Variants in SNX14 observed in about 807,000 individuals in gnomAD.
The protein encoded by SNX14 is sorting nexin-14.
Under a neutral mutation model 133.8 loss-of-function variants are expected in SNX14, and 93 were observed. The ratio of observed to expected loss-of-function variants is 0.70; its 90% CI spans 0.59 to 0.83. The LOEUF (loss-of-function observed/expected upper bound fraction) is 0.83, where lower values mean the gene tolerates loss of function less well. SNX14 is among the 40% of genes least tolerant of loss of function. The pLI is 0.00. For missense variants in SNX14, 945 were observed against 1,094.9 expected, an observed-to-expected ratio of 0.86 and a Z score of 1.93; for synonymous variants, 368 against 365.6, an observed-to-expected ratio of 1.01 and a Z score of -0.07.
At chr6:85,541,949 G>C in intron 15 of SNX14, 36 bp downstream of exon 15, 1 of 1,513,142 alleles carries the variant, frequency 6.6e-7, no homozygotes, top group Non-Finnish European at 9.0e-7. Context: ...AGAATGACTG[G>C]CATCAGCAAG....
chr6:85,583,087 G>A (rs1162916836), intron 1 of SNX14, among the ~76,000 whole-genome samples: 1 of 152,184 alleles, frequency 6.6e-6, no homozygotes, highest in Non-Finnish European at 1.5e-5. Context: ...TCCCTGGAAT[G>A]CAAGGCTGGT....
Position 85,593,695 on chromosome 6 carries a change from C to T in SNX14, c.24G>A (p.Met8Ile). 1 of 1,613,700 alleles carries T rather than the reference C, an allele frequency of 6.2e-7. No homozygotes were observed. The highest frequency in any genetic ancestry group is 8.5e-7 in the Non-Finnish European group (1 of 1,179,944). ...GCAGCCGCTGCTTCAGCTTCTGCCC[C>T]ATCGTCCGCACCCAGGGCACCATCT... is the stretch of plus-strand genomic sequence containing the variant. Reference protein sequence around the residue: MVPWVRTMGQKLKQRLRL... With the variant: MVPWVRTIGQKLKQRLRL... Residue 8 changes from methionine (M) to isoleucine (I), a missense_variant, in exon 1 of 29, where the codon ATG (methionine) becomes ATA (isoleucine). Physicochemically the swap from Met to Ile is conservative, Grantham distance 10. Transcript: ENST00000314673.
intron 26 of SNX14, among the ~76,000 whole-genome samples, chr6:85,512,450 C>A (rs1773257828): frequency 6.6e-6 from 1 of 152,020 alleles, no homozygotes; most frequent in Non-Finnish European, 1.5e-5. Flanking sequence ...GGGGAAACCC[C>A]ATCTCCACTA....
At chr6:85,526,767 G>A (rs867557385) in intron 20 of SNX14, among the ~76,000 whole-genome samples, 3 of 152,188 alleles carry the variant, frequency 2.0e-5, no homozygotes, top group Admixed American at 6.5e-5. Flanking sequence ...CTGCAACACT[G>A]TTTTCTAATA....
At chr6:85,515,249 A>G (rs1460536066) in intron 23 of SNX14, among the ~76,000 whole-genome samples, 1 of 144,238 alleles carries the variant, frequency 6.9e-6, no homozygotes, top group African/African-American at 2.6e-5. Flanking sequence ...CCTGGGTGAC[A>G]GAGCAAGACC....
intron 7 of SNX14, among the ~76,000 whole-genome samples, chr6:85,552,450 CCTCTT>C (rs753126460): frequency 1.1e-4 from 16 of 152,040 alleles, no homozygotes; most frequent in Non-Finnish European, 2.4e-4. Context: ...AGCAGCAATC[CCTCTT>C]AGGGGCCTGC....
chr6:85,565,663 A>T (rs541738726), intron 5 of SNX14, among the ~76,000 whole-genome samples: 7 of 152,360 alleles, frequency 4.6e-5, no homozygotes, highest in African/African-American at 1.7e-4. Flanking sequence ...CCTTGCAGAC[A>T]TACACGACTA....
chr6:85,540,327 T>C (rs926971431), intron 15 of SNX14, among the ~76,000 whole-genome samples: 1 of 152,170 alleles, frequency 6.6e-6, no homozygotes, highest in Non-Finnish European at 1.5e-5. Context: ...GAAAAGGGCA[T>C]GTCATTAGCT....
chr6:85,580,435 ACTT>A (rs1168706814), intron 1 of SNX14, among the ~76,000 whole-genome samples: 1 of 152,092 alleles, frequency 6.6e-6, no homozygotes, highest in Non-Finnish European at 1.5e-5. Context: ...ACAAAGAGAG[ACTT>A]CTTCTGCTTC....
rs528328228 is a variant in SNX14, at chr6:85,543,363, T to A, written c.1265-57A>T. Reference sequence around the variant, plus strand: ...TATAAATAGCATAAATATATACAGTTCTAAAACGTTTTACTGAAACTCCAC... The same window carrying A: ...TATAAATAGCATAAATATATACAGTACTAAAACGTTTTACTGAAACTCCAC... On this transcript the variant is annotated intron_variant, in intron 13 of 28. Coordinates refer to ENST00000314673, the MANE Select transcript of SNX14 (RefSeq NM_153816.6). The A allele has an allele frequency of 1.2e-5, 17 of 1,420,478 alleles. No homozygotes were observed. In the Admixed American group the frequency reaches 2.5e-4, roughly 21 times the overall value. 88.0% of individuals were successfully genotyped at this position (1,420,478 alleles called of 1,614,324 possible).
At chr6:85,589,915 T>C (rs945917116) in intron 1 of SNX14, among the ~76,000 whole-genome samples, 7 of 152,236 alleles carry the variant, frequency 4.6e-5, no homozygotes, top group African/African-American at 1.4e-4. Context: ...TAGAGTACCA[T>C]GTGTAATGCC....
At chr6:85,508,297 G>T in intron 26 of SNX14, 3 of 1,053,146 alleles carry the variant, frequency 2.8e-6, no homozygotes, top group Non-Finnish European at 2.3e-6. Context: ...AAGGCATAAT[G>T]CAAACTCTGA....
At chr6:85,576,632 G>A (rs1239110751) in intron 1 of SNX14, among the ~76,000 whole-genome samples, 5 of 152,188 alleles carry the variant, frequency 3.3e-5, no homozygotes, top group East Asian at 1.9e-4. Flanking sequence ...AAAGGAAAGC[G>A]GAGTGAGAAG....
At position 85,517,743 on chromosome 6, in the gene SNX14, C is replaced by T. The variant is rs755828645; in HGVS notation, c.2268+13G>A. The T allele has an allele frequency of 1.9e-6, 3 of 1,570,004 alleles. No individual in the cohort carries two copies. The highest frequency in any genetic ancestry group is 2.6e-6 in the Non-Finnish European group (3 of 1,166,472). On this transcript the variant is annotated intron_variant, in intron 23 of 28. Transcript: ENST00000314673. ...CTTAAAACTTAATAGTTCTTTAATG[C>T]AATGTGCAGTACCTTCTTGTTGTTT...
chr6:85,530,298 C>T (rs1363050328), intron 18 of SNX14, 23 bp from the exon 19 acceptor site: 1 of 1,397,514 alleles, frequency 7.2e-7, no homozygotes, highest in Non-Finnish European at 9.9e-7. Context: ...TACACACACA[C>T]TGAGTAACAA....
intron 9 of SNX14, among the ~76,000 whole-genome samples, chr6:85,547,858 T>C (rs530473940): frequency 7.9e-5 from 12 of 152,312 alleles, no homozygotes; most frequent in South Asian, 2.1e-4. Flanking sequence ...TGTCCATCAA[T>C]GGATGAACAG....
intron 7 of SNX14, among the ~76,000 whole-genome samples, chr6:85,550,615 G>C (rs901960240): frequency 2.0e-5 from 3 of 151,838 alleles, no homozygotes; most frequent in African/African-American, 7.3e-5. Context: ...CCTCCGACTT[G>C]AGCCTCCAGA....
At chr6:85,507,389 T>A in intron 27 of SNX14, 100 bp from the exon 28 acceptor site, 2 of 961,038 alleles carry the variant, frequency 2.1e-6, no homozygotes, top group Non-Finnish European at 1.6e-6. Context: ...TACCTCTAAG[T>A]GGGAAGGCAG....
intron 26 of SNX14, among the ~76,000 whole-genome samples, chr6:85,508,736 G>A (rs571459734): frequency 2.0e-5 from 3 of 152,148 alleles, no homozygotes; most frequent in African/African-American, 7.2e-5. Flanking sequence ...GTGTCTGGCT[G>A]CATAGATGTC....
Sources: gnomAD v4.1 joint callset for allele counts (sites outside exome capture counted in the v4.1 genomes callset) on GRCh38, gnomAD v4.1.1 for gene constraint, MANE v1.5 for transcripts, NCBI Gene and HGNC (gene_info 2026-07-23, HGNC 2026-07-21) for gene names.